Variants in DPYD observed in about 807,000 individuals in gnomAD.
DPYD encodes dihydropyrimidine dehydrogenase.
A neutral mutation model predicts 116.2 loss-of-function variants in DPYD; 109 were observed. That is an observed-to-expected ratio of 0.94 (90% CI 0.80 to 1.10). DPYD has a LOEUF of 1.10. Ranked by LOEUF, DPYD falls within the 50% of genes least tolerant of loss-of-function variation. DPYD has a pLI of 0.00. For missense variants in DPYD, 1,302 were observed against 1,254.5 expected (o/e 1.04, Z -0.57); for synonymous variants, 440 against 432.0 (o/e 1.02, Z -0.23).
At chr1:97,189,233 T>C (rs1658196513) in intron 20 of DPYD, among the ~76,000 whole-genome samples, 1 of 152,170 alleles carries the variant, frequency 6.6e-6, no homozygotes, top group Admixed American at 6.6e-5. Flanking sequence ...TGATACTGGT[T>C]ACAGCCAAGG....
chr1:97,291,588 C>G (rs1171405942), intron 18 of DPYD, among the ~76,000 whole-genome samples: 2 of 150,020 alleles, frequency 1.3e-5, no homozygotes, highest in East Asian at 2.0e-4. Context: ...ATCGCAAGGA[C>G]AAAAAACCAA....
intron 6 of DPYD, 74 bp downstream of exon 6, chr1:97,699,277 G>T: frequency 6.9e-7 from 1 of 1,459,488 alleles, no homozygotes; most frequent in Non-Finnish European, 9.6e-7. Flanking sequence ...ATATGATTAT[G>T]AACCAACAAT....
chr1:97,720,155 C>CTT (rs1039579361), intron 5 of DPYD: 104 of 983,538 alleles, frequency 1.1e-4, no homozygotes, highest in Non-Finnish European at 1.2e-4. Flanking sequence ...CTCTTTCTCT[C>CTT]TCTCTCTCTC....
At chr1:97,173,642 T>C (rs1209175209) in intron 20 of DPYD, among the ~76,000 whole-genome samples, 1 of 151,152 alleles carries the variant, frequency 6.6e-6, no homozygotes, top group African/African-American at 2.4e-5. Flanking sequence ...GTGCCTGGCA[T>C]GGAATACTCA....
intron 8 of DPYD, among the ~76,000 whole-genome samples, chr1:97,600,017 G>C (rs2811201): frequency 0.16 from 23,866 of 151,618 alleles, 2,152 homozygotes; most frequent in African/African-American, 0.23. Flanking sequence ...TGCACTCCAG[G>C]CTGGGTGACA....
chr1:97,328,014 G>A (rs1213261470), intron 16 of DPYD, among the ~76,000 whole-genome samples: 1 of 152,128 alleles, frequency 6.6e-6, no homozygotes, highest in African/African-American at 2.4e-5. Context: ...GATGCTGTAT[G>A]TTAACACAAG....
At chr1:97,111,121 T>C (rs1399289) in intron 20 of DPYD, among the ~76,000 whole-genome samples, 3,530 of 152,192 alleles carry the variant, frequency 0.023, 52 homozygotes, top group Non-Finnish European at 0.035. Flanking sequence ...ACCATTTCCA[T>C]TGATATGGCT....
intron 18 of DPYD, among the ~76,000 whole-genome samples, chr1:97,268,410 C>T (rs1219982939): frequency 6.6e-6 from 1 of 152,200 alleles, no homozygotes; most frequent in Non-Finnish European, 1.5e-5. Flanking sequence ...CTCTGCTGTG[C>T]ATTGCCCTAG....
intron 3 of DPYD, among the ~76,000 whole-genome samples, chr1:97,759,776 A>G (rs1213269649): frequency 6.6e-6 from 1 of 152,174 alleles, no homozygotes; most frequent in Non-Finnish European, 1.5e-5. Flanking sequence ...ATATTTATTT[A>G]TTGAACATTT....
intron 19 of DPYD, among the ~76,000 whole-genome samples, chr1:97,216,342 C>G (rs1660395959): frequency 1.3e-5 from 2 of 152,114 alleles, no homozygotes; most frequent in South Asian, 4.1e-4. Flanking sequence ...GGCCCTCTAT[C>G]CAAAATAGCA....
intron 18 of DPYD, among the ~76,000 whole-genome samples, chr1:97,300,278 C>T (rs1666783335): frequency 6.6e-6 from 1 of 152,024 alleles, no homozygotes; most frequent in Non-Finnish European, 1.5e-5. Flanking sequence ...CATTTTTATC[C>T]ATTTAAATTC....
intron 19 of DPYD, among the ~76,000 whole-genome samples, chr1:97,228,188 A>C (rs1239463159): frequency 1.3e-5 from 2 of 151,842 alleles, no homozygotes; most frequent in Non-Finnish European, 2.9e-5. Flanking sequence ...TTTCTACAAC[A>C]ATGCTAAGAA....
At chr1:97,547,051 A>G in intron 12 of DPYD, 1 of 1,156,172 alleles carries the variant, frequency 8.6e-7, no homozygotes, top group Non-Finnish European at 1.3e-6. Flanking sequence ...AACAGTACAG[A>G]ACTGATGTTG....
chr1:97,900,651 C>T (rs548459567), intron 1 of DPYD, among the ~76,000 whole-genome samples: 1 of 152,028 alleles, frequency 6.6e-6, no homozygotes, highest in Admixed American at 6.6e-5. Flanking sequence ...CATCTCCATT[C>T]ATTGACTGCT....
intron 15 of DPYD, among the ~76,000 whole-genome samples, chr1:97,374,294 C>T (rs1366131739): frequency 2.6e-5 from 4 of 152,116 alleles, no homozygotes; most frequent in Non-Finnish European, 5.9e-5. Context: ...ATCATTAATT[C>T]CTTGATATAC....
chr1:97,782,038 T>C (rs1441498019), intron 3 of DPYD, among the ~76,000 whole-genome samples: 1 of 152,170 alleles, frequency 6.6e-6, no homozygotes, highest in Non-Finnish European at 1.5e-5. Context: ...GTAAATCTCT[T>C]AGACCGAAAA....
intron 8 of DPYD, among the ~76,000 whole-genome samples, chr1:97,621,024 T>G (rs1479111330): frequency 6.6e-6 from 1 of 152,164 alleles, no homozygotes; most frequent in African/African-American, 2.4e-5. Context: ...AATTTTATAA[T>G]GATGGCCATG....
intron 4 of DPYD, among the ~76,000 whole-genome samples, chr1:97,740,132 C>CGAA (rs1664180764): frequency 2.0e-5 from 3 of 152,040 alleles, no homozygotes; most frequent in African/African-American, 7.2e-5. Flanking sequence ...TCAATCTTTT[C>CGAA]AGTGTCTTGA....
chr1:97,261,657 T>C (rs192611361), intron 18 of DPYD, among the ~76,000 whole-genome samples: 89 of 152,064 alleles, frequency 5.9e-4, no homozygotes, highest in African/African-American at 2.0e-3. Flanking sequence ...GCAAAGGGTA[T>C]GAATTTAGTT....
Sources: allele counts gnomAD v4.1 joint callset (sites outside exome capture counted in the v4.1 genomes callset), GRCh38; gene constraint gnomAD v4.1.1; transcripts MANE v1.5; gene names NCBI Gene and HGNC (gene_info 2026-07-23, HGNC 2026-07-21).